Variants in NUMB observed in about 807,000 individuals in gnomAD.
NUMB encodes NUMB endocytic adaptor protein.
A neutral mutation model predicts 59.7 loss-of-function variants in NUMB; 29 were observed. The observed-to-expected ratio is 0.49, with a 90% CI of 0.36 to 0.66. NUMB has a LOEUF of 0.66. Ranked by LOEUF, NUMB falls within the 30% of genes least tolerant of loss-of-function variation. NUMB has a pLI of 0.00. For synonymous variants in NUMB, 288 were observed against 288.2 expected, an observed-to-expected ratio of 1.00 and a Z score of 0.01; for missense variants, 723 against 822.0, an observed-to-expected ratio of 0.88 and a Z score of 1.47.
At chr14:73,430,013 C>T (rs1215567302) in intron 1 of NUMB, among the ~76,000 whole-genome samples, 1 of 151,684 alleles carries the variant, frequency 6.6e-6, no homozygotes, top group Non-Finnish European at 1.5e-5. Context: ...ACTGCATTTA[C>T]ATACAGGTTT....
rs774977378 is a variant in NUMB, at chr14:73,287,209, G to T, written c.556C>A (p.Arg186=). The stretch of plus-strand genomic sequence containing the variant: ...GATCCTTCTCTTGTAAAAGTGGTCC[G>T]ACTAGCATCAAAAGTAGCAGTCACT... ...CGVTATFDAS[R]TTFTREGSFR... Residue 186 remains arginine (R), a synonymous_variant, in exon 9 of 13, where the codon CGG becomes AGG. Coordinates refer to ENST00000555238, the MANE Select transcript of NUMB (RefSeq NM_001005743.2). The T allele has an allele frequency of 3.1e-6, 5 of 1,613,574 alleles. No individual in the cohort carries two copies. Among genetic ancestry groups the T allele is most frequent in the Non-Finnish European group, 4.2e-6 (5 of 1,179,936 alleles).
At chr14:73,342,490 G>A (rs536496385) in intron 4 of NUMB, among the ~76,000 whole-genome samples, 1 of 152,332 alleles carries the variant, frequency 6.6e-6, no homozygotes, top group Admixed American at 6.5e-5. Flanking sequence ...TGTCCTATCT[G>A]GGATAAACAA....
intron 4 of NUMB, among the ~76,000 whole-genome samples, chr14:73,353,834 T>C (rs61985805): frequency 0.16 from 23,797 of 151,886 alleles, 2,692 homozygotes; most frequent in Non-Finnish European, 0.23. Context: ...TCAACTTATA[T>C]AGCCAAAGTA....
chr14:73,436,335 T>C (rs1434002373), intron 1 of NUMB, among the ~76,000 whole-genome samples: 1 of 152,132 alleles, frequency 6.6e-6, no homozygotes, highest in Admixed American at 6.6e-5. Flanking sequence ...TTTGTTTTTG[T>C]TGACGGAGTC....
intron 1 of NUMB, among the ~76,000 whole-genome samples, chr14:73,412,632 G>GAAAAAA (rs1180955520): frequency 1.1e-5 from 1 of 92,484 alleles, no homozygotes; most frequent in African/African-American, 4.1e-5. Context: ...CGTCTCAAAA[G>GAAAAAA]AAAAAAAAAA....
At chr14:73,363,414 T>C (rs1214162577) in intron 3 of NUMB, among the ~76,000 whole-genome samples, 1 of 152,132 alleles carries the variant, frequency 6.6e-6, no homozygotes, top group Non-Finnish European at 1.5e-5. Flanking sequence ...GAATACTGCA[T>C]ACCTGCCCGG....
Sources: allele counts gnomAD v4.1 joint callset (sites outside exome capture counted in the v4.1 genomes callset), GRCh38; gene constraint gnomAD v4.1.1; transcripts MANE v1.5; gene names NCBI Gene and HGNC (gene_info 2026-07-23, HGNC 2026-07-21).